The following FHAD1 variants were observed in gnomAD, a reference collection of about 807,000 sequenced individuals.
FHAD1 encodes forkhead associated phosphopeptide binding domain 1.
In FHAD1, 146 loss-of-function variants were observed where a neutral mutation model predicts 191.3. The observed-to-expected ratio is 0.76, with a 90% CI of 0.67 to 0.88. The LOEUF (loss-of-function observed/expected upper bound fraction) is 0.88. Ranked by LOEUF, FHAD1 falls within the 40% of genes least tolerant of loss-of-function variation. The pLI is 0.00. For synonymous variants in FHAD1, 616 were observed against 672.3 expected (o/e 0.92, Z 1.29); for missense variants, 1,635 against 1,785.8 (o/e 0.92, Z 1.52).
At chr1:15,368,920 A>G (rs528717867) in intron 25 of FHAD1, among the ~76,000 whole-genome samples, 4 of 152,220 alleles carry the variant, frequency 2.6e-5, no homozygotes, top group Non-Finnish European at 5.9e-5. Flanking sequence ...CCTGGGTGGA[A>G]GAACAAGAAC....
chr1:15,304,187 G>C (rs140088048), intron 6 of FHAD1, among the ~76,000 whole-genome samples: 5 of 152,192 alleles, frequency 3.3e-5, no homozygotes, highest in African/African-American at 9.7e-5. Flanking sequence ...AAGACAATGC[G>C]TACCGCCATG....
chr1:15,282,301 G>A (rs576391), intron 3 of FHAD1, among the ~76,000 whole-genome samples: 1 of 151,956 alleles, frequency 6.6e-6, no homozygotes, highest in African/African-American at 2.4e-5. Flanking sequence ...AAGTATGCAG[G>A]TATAGTATAA....
rs1434452597 is a variant in FHAD1, at chr1:15,252,629, T to A, written c.93+752T>A. ...TCTCCCCAGCAGCCTGATGTGTGGT[T>A]CAGAAGGTGGGCACAGAGCTGGTGC... On this transcript the variant is annotated intron_variant, in intron 2 of 33. Coordinates refer to ENST00000688493, the MANE Select transcript of FHAD1 (RefSeq NM_001391957.1). 6.6e-5 allele frequency among the ~76,000 whole-genome samples: 10 copies of A among 152,314 alleles called. No homozygotes were observed. In the East Asian group the frequency reaches 1.7e-3, roughly 26 times the overall value.
chr1:15,295,600 C>CCTGT (rs1666664489), intron 4 of FHAD1, among the ~76,000 whole-genome samples: 1 of 151,908 alleles, frequency 6.6e-6, no homozygotes, highest in South Asian at 2.1e-4. Context: ...AGAGCGAGAC[C>CCTGT]CTGTCTGTCT....
chr1:15,320,369 C>T (rs1675862159), intron 10 of FHAD1, among the ~76,000 whole-genome samples: 1 of 152,152 alleles, frequency 6.6e-6, no homozygotes, highest in Non-Finnish European at 1.5e-5. Context: ...ATGAAGCTTG[C>T]CGATAATGCT....
At chr1:15,308,492 G>T in intron 6 of FHAD1, 121 bp from the exon 7 acceptor site, 1 of 1,362,968 alleles carries the variant, frequency 7.3e-7, no homozygotes, top group Middle Eastern at 1.9e-4. Context: ...TAAAAAGCTT[G>T]GTTTCCCCAA....
chr1:15,345,035 T>A, intron 16 of FHAD1, 48 bp from the exon 17 acceptor site: 1 of 1,460,502 alleles, frequency 6.8e-7, no homozygotes, highest in Non-Finnish European at 9.4e-7. Context: ...GCGTCCAAAT[T>A]CCTGCCATGG....
At chr1:15,275,361 G>A (rs759463727) in intron 3 of FHAD1, among the ~76,000 whole-genome samples, 3 of 152,096 alleles carry the variant, frequency 2.0e-5, no homozygotes, top group Non-Finnish European at 4.4e-5. Flanking sequence ...AGGGACTTTT[G>A]GCAGCCAGAC....
Position 15,381,536 on chromosome 1 carries a change from C to A in FHAD1, c.4022+85C>A. Reference sequence around the variant, plus strand: ...CTCAGGCTAGCAGCAGACCTCTAGGCCTGGGACAGGAGGACAGAGACCCAC... The same window carrying A: ...CTCAGGCTAGCAGCAGACCTCTAGGACTGGGACAGGAGGACAGAGACCCAC... On this transcript the variant is annotated intron_variant, in intron 30 of 33. Coordinates refer to ENST00000688493, the MANE Select transcript of FHAD1 (RefSeq NM_001391957.1). The surrounding 1 kb of genome is among the most constrained non-coding windows in gnomAD (Gnocchi z 4.6). 3 of 1,077,948 alleles carry A rather than the reference C, an allele frequency of 2.8e-6. No individual in the cohort carries two copies. Among genetic ancestry groups the A allele is most frequent in the Non-Finnish European group, 2.7e-6 (2 of 731,778 alleles). The allele number at this position is 1,077,948 out of a possible 1,614,324, so 66.8% of individuals were successfully genotyped here.
intron 3 of FHAD1, among the ~76,000 whole-genome samples, chr1:15,283,069 C>T (rs936208143): frequency 1.3e-5 from 2 of 152,210 alleles, no homozygotes; most frequent in African/African-American, 4.8e-5. Flanking sequence ...ATTCTGCAGT[C>T]ATATTCATAT....
In FHAD1 at chr1:15,388,092, G is replaced by A. The variant is rs1403149402; in HGVS notation, c.4230G>A (p.Ser1410=). The part of the protein sequence containing the change: ...EEHELRNAKE[S]TPCNCAFKEK... ...ACGAACTGAGAAACGCAAAAGAATC[G>A]ACACCTTGCAACTGTGCCTTCAAAG... Residue 1410 remains serine (S), a synonymous_variant, in exon 32 of 34, where the codon TCG becomes TCA. Coordinates refer to ENST00000688493, the MANE Select transcript of FHAD1 (RefSeq NM_001391957.1). 2.9e-5 allele frequency: 37 copies of A among 1,289,732 alleles called. No individual in the cohort carries two copies. Among genetic ancestry groups the A allele is most frequent in the Non-Finnish European group, 3.1e-5 (31 of 988,880 alleles). The allele number at this position is 1,289,732 out of a possible 1,614,324, so 79.9% of individuals were successfully genotyped here.
intron 20 of FHAD1, among the ~76,000 whole-genome samples, chr1:15,355,676 G>A (rs1235942656): frequency 2.0e-5 from 3 of 152,188 alleles, no homozygotes; most frequent in Non-Finnish European, 4.4e-5. Context: ...TCCGTGGCAT[G>A]CCTGCCAGTG....
chr1:15,358,969 G>A (rs1256481116), intron 21 of FHAD1, among the ~76,000 whole-genome samples: 1 of 152,118 alleles, frequency 6.6e-6, no homozygotes, highest in African/African-American at 2.4e-5. Context: ...GTGGGGGGAA[G>A]GGAGTCTCTG....
intron 4 of FHAD1, among the ~76,000 whole-genome samples, chr1:15,293,990 G>A (rs1666017533): frequency 6.6e-6 from 1 of 152,118 alleles, no homozygotes; most frequent in Non-Finnish European, 1.5e-5. Context: ...CCTCCCACCG[G>A]GGTGTCATCT....
chr1:15,255,717 G>C (rs1307763667), intron 2 of FHAD1, among the ~76,000 whole-genome samples: 1 of 152,190 alleles, frequency 6.6e-6, no homozygotes, highest in East Asian at 1.9e-4. Context: ...TGGAGGATGA[G>C]AAGGACTTAA....
chr1:15,298,154 TAAAG>T (rs988565647), intron 5 of FHAD1, among the ~76,000 whole-genome samples: 2 of 152,122 alleles, frequency 1.3e-5, no homozygotes, highest in African/African-American at 4.8e-5. Context: ...AACGAGTGGA[TAAAG>T]AAACTGTGGT....
At chr1:15,280,191 C>G (rs1343878084) in intron 3 of FHAD1, among the ~76,000 whole-genome samples, 1 of 152,014 alleles carries the variant, frequency 6.6e-6, no homozygotes, top group Non-Finnish European at 1.5e-5. Flanking sequence ...GTAACCAGGC[C>G]GAGTAACTGG....
At chr1:15,272,620 T>C (rs914976620) in intron 3 of FHAD1, 91 bp downstream of exon 3, 1 of 1,155,184 alleles carries the variant, frequency 8.7e-7, no homozygotes, top group African/African-American at 1.5e-5. Context: ...CTTATCCACA[T>C]TGGTGCCACT....
intron 4 of FHAD1, among the ~76,000 whole-genome samples, chr1:15,290,830 T>TA (rs1472669363): frequency 6.6e-6 from 1 of 151,940 alleles, no homozygotes; most frequent in Non-Finnish European, 1.5e-5. Context: ...TGCCTCAGCC[T>TA]CCCGAGTAGC....
Sources: gnomAD v4.1 joint callset for allele counts (sites outside exome capture counted in the v4.1 genomes callset) on GRCh38, gnomAD v4.1.1 for gene constraint, Gnocchi (gnomAD v3.1) non-coding constraint, MANE v1.5 for transcripts, NCBI Gene and HGNC (gene_info 2026-07-23, HGNC 2026-07-21) for gene names.